Variants in TMEM272 observed in about 807,000 individuals in gnomAD.
TMEM272 encodes the protein long intergenic non-protein coding RNA 282.
A neutral mutation model predicts 3.7 loss-of-function variants in TMEM272; 8 were observed. The ratio of observed to expected loss-of-function variants is 2.17; its 90% CI spans 1.27 to 3.91. The LOEUF is 3.91. Ranked by LOEUF, TMEM272 falls within the 30% of genes most tolerant of loss-of-function variation. The probability of loss-of-function intolerance (pLI) is 0.00; values close to 1 mark genes in which losing one functional copy is unlikely to be tolerated. For synonymous variants in TMEM272, 63 were observed against 39.8 expected, an observed-to-expected ratio of 1.58 and a Z score of -2.20; for missense variants, 166 against 91.5, an observed-to-expected ratio of 1.81 and a Z score of -3.32.
At chr13:51,846,608 A>C (rs1956307653), upstream of TMEM272, among the ~76,000 whole-genome samples, 1 of 152,248 alleles carries the variant, frequency 6.6e-6, no homozygotes, top group Admixed American at 6.5e-5. Context: ...AAAATGCCTC[A>C]GGCAGGTCTT....
chr13:51,813,766 A>C lies in TMEM272; in HGVS notation c.*2985T>G, dbSNP rs1955990062. The C allele has an allele frequency of 6.5e-6, 1 of 153,488 alleles. No homozygotes were observed. Among genetic ancestry groups the C allele is most frequent in the Non-Finnish European group, 1.5e-5 (1 of 68,962 alleles). The allele number at this position is 153,488 out of a possible 1,614,324, so 9.5% of individuals were successfully genotyped here. A position where few individuals can be genotyped will look rare whatever the true frequency, so the allele number is the denominator to read the frequency against. ...TACTGCTTTCAACTGTCATTTATAT[A>C]GATTCAGGCAAAGAATGGTTTTTAG... On this transcript the variant is annotated 3_prime_UTR_variant, in exon 5 of 5. Coordinates refer to ENST00000629372, the MANE Select transcript of TMEM272 (RefSeq NM_001351003.2).
the TMEM272 span, chr13:51,909,225 G>A: frequency 1.6e-6 from 2 of 1,248,780 alleles, no homozygotes; most frequent in Non-Finnish European, 2.3e-6. Flanking sequence ...TCTTTCAGCA[G>A]TCCATGCTGC....
At chr13:51,852,321 A>T in the TMEM272 span, among the ~76,000 whole-genome samples, 1,554 of 152,308 alleles carry the variant, frequency 0.01, 31 homozygotes, top group African/African-American at 0.035. Flanking sequence ...TCCTTTGGCC[A>T]TTTATCTATT....
At chr13:51,828,112 C>T (rs1305201869) in intron 2 of TMEM272, among the ~76,000 whole-genome samples, 5 of 152,202 alleles carry the variant, frequency 3.3e-5, no homozygotes, top group African/African-American at 1.2e-4. Flanking sequence ...ACATTCATCA[C>T]CCATGGAATC....
At chr13:51,859,455 CTGCA>C in the TMEM272 span, among the ~76,000 whole-genome samples, 2 of 150,634 alleles carry the variant, frequency 1.3e-5, no homozygotes, top group African/African-American at 4.9e-5. Context: ...CATAAACTGC[CTGCA>C]TGATCACTAA....
chr13:51,867,188 T>A, the TMEM272 span, among the ~76,000 whole-genome samples: 3 of 152,168 alleles, frequency 2.0e-5, no homozygotes, highest in African/African-American at 7.2e-5. Flanking sequence ...GACAAGCACT[T>A]TCTCATGCAC....
chr13:51,927,436 T>C, the TMEM272 span, among the ~76,000 whole-genome samples: 1 of 152,188 alleles, frequency 6.6e-6, no homozygotes, highest in African/African-American at 2.4e-5. Flanking sequence ...AATTAGTACA[T>C]TCTTTAGGAA....
At chr13:51,885,999 C>A in the TMEM272 span, among the ~76,000 whole-genome samples, 1 of 152,306 alleles carries the variant, frequency 6.6e-6, no homozygotes, top group East Asian at 1.9e-4. Context: ...CTGGATCACT[C>A]AAAACTCCAT....
At chr13:51,822,377 G>C (rs1171553633) in intron 3 of TMEM272, among the ~76,000 whole-genome samples, 1 of 152,130 alleles carries the variant, frequency 6.6e-6, no homozygotes, top group Admixed American at 6.5e-5. Flanking sequence ...GCAGGGACCA[G>C]GTGTCGCTGC....
At chr13:51,871,315 C>T in the TMEM272 span, among the ~76,000 whole-genome samples, 18 of 151,922 alleles carry the variant, frequency 1.2e-4, no homozygotes, top group African/African-American at 3.9e-4. Context: ...CTCAGCCTCC[C>T]GAGTAGCTGG....
the TMEM272 span, among the ~76,000 whole-genome samples, chr13:51,913,368 G>A: frequency 6.6e-6 from 1 of 152,182 alleles, no homozygotes; most frequent in Non-Finnish European, 1.5e-5. Flanking sequence ...TAGTATTGGC[G>A]CCAAAGAAAT....
At chr13:51,929,232 A>C in the TMEM272 span, among the ~76,000 whole-genome samples, 95 of 152,314 alleles carry the variant, frequency 6.2e-4, no homozygotes, top group African/African-American at 1.8e-3. Flanking sequence ...AAGAATATTT[A>C]ACATGAAGCT....
At chr13:51,847,774 C>G (rs776933958), upstream of TMEM272, among the ~76,000 whole-genome samples, 2 of 152,076 alleles carry the variant, frequency 1.3e-5, no homozygotes, top group African/African-American at 4.8e-5. Context: ...CAAAAAGGGG[C>G]AGCAGTCTTT....
the TMEM272 span, among the ~76,000 whole-genome samples, chr13:51,917,422 T>A: frequency 2.0e-5 from 3 of 152,086 alleles, no homozygotes; most frequent in Non-Finnish European, 2.9e-5. Flanking sequence ...AATAATATAA[T>A]TCAAGAACAA....
In TMEM272 at chr13:51,815,207, T is replaced by G. The variant is rs1488095934; in HGVS notation, c.*1544A>C. On this transcript the variant is annotated 3_prime_UTR_variant, in exon 5 of 5. Coordinates refer to ENST00000629372, the MANE Select transcript of TMEM272 (RefSeq NM_001351003.2). ...TAGGATCTGCAAACTGCACACCCGC[T>G]GGTCTTCTGCCATGGCTCAAGTGAA... is the stretch of plus-strand genomic sequence containing the variant. The G allele has an allele frequency of 6.5e-6, 1 of 152,800 alleles. No individual in the cohort carries two copies. The highest frequency in any genetic ancestry group is 1.5e-5 in the Non-Finnish European group (1 of 68,144). The allele number at this position is 152,800 out of a possible 1,614,324, so 9.5% of individuals were successfully genotyped here.
At chr13:51,912,589 T>G in the TMEM272 span, among the ~76,000 whole-genome samples, 1 of 152,194 alleles carries the variant, frequency 6.6e-6, no homozygotes, top group Admixed American at 6.5e-5. Flanking sequence ...ATTGCCAATT[T>G]GTTTCTCTAG....
At chr13:51,838,667 C>A in intron 1 of TMEM272, 114 bp from the exon 2 acceptor site, 1 of 682,716 alleles carries the variant, frequency 1.5e-6, no homozygotes, top group Non-Finnish European at 2.7e-6. Context: ...TCAGTCAGCC[C>A]GGGTGGCCTG....
At chr13:51,865,653 C>T in the TMEM272 span, 1 of 1,614,158 alleles carries the variant, frequency 6.2e-7, no homozygotes, top group Non-Finnish European at 8.5e-7. Flanking sequence ...GAGGAGAGAC[C>T]TTTCTGGGAA....
chr13:51,922,531 C>A, the TMEM272 span, among the ~76,000 whole-genome samples: 1 of 152,160 alleles, frequency 6.6e-6, no homozygotes. Context: ...ACCTGCCAGG[C>A]GACAGCAGTG....
Sources: gnomAD v4.1 joint callset for allele counts (sites outside exome capture counted in the v4.1 genomes callset) on GRCh38, gnomAD v4.1.1 for gene constraint, MANE v1.5 for transcripts, NCBI Gene and HGNC (gene_info 2026-07-23, HGNC 2026-07-21) for gene names.